SNCAIP: variants seen among roughly 807,000 people sequenced by gnomAD.
SNCAIP encodes synuclein alpha interacting protein, also known as synphilin-1.
A neutral mutation model predicts 86.7 loss-of-function variants in SNCAIP; 43 were observed. The observed-to-expected ratio is 0.50, with a 90% CI of 0.39 to 0.64. The LOEUF (loss-of-function observed/expected upper bound fraction) is 0.64, where lower values mean the gene tolerates loss of function less well. Among genes scored for constraint, SNCAIP ranks in the 30% least tolerant of loss-of-function variants. SNCAIP has a pLI of 0.00. For synonymous variants in SNCAIP, 417 were observed against 427.2 expected, an observed-to-expected ratio of 0.98 and a Z score of 0.29; for missense variants, 981 against 1,103.1, an observed-to-expected ratio of 0.89 and a Z score of 1.57.
intron 1 of SNCAIP, among the ~76,000 whole-genome samples, chr5:122,365,005 A>G (rs1329956860): frequency 6.6e-6 from 1 of 152,224 alleles, no homozygotes; most frequent in Non-Finnish European, 1.5e-5. Context: ...ACATTTGGGT[A>G]AGACTAGAGT....
At chr5:122,437,783 G>T (rs1212146403) in intron 6 of SNCAIP, among the ~76,000 whole-genome samples, 1 of 152,120 alleles carries the variant, frequency 6.6e-6, no homozygotes, top group Non-Finnish European at 1.5e-5. Context: ...CCCCCTCAGG[G>T]GCCCAGGTAA....
intron 1 of SNCAIP, among the ~76,000 whole-genome samples, chr5:122,368,573 A>C (rs1763643721): frequency 6.6e-6 from 1 of 152,160 alleles, no homozygotes; most frequent in Non-Finnish European, 1.5e-5. Context: ...AGTGAACCTA[A>C]TGATACCTTG....
chr5:122,353,802 C>T (rs1296112712), intron 1 of SNCAIP, among the ~76,000 whole-genome samples: 7 of 152,018 alleles, frequency 4.6e-5, no homozygotes, highest in Non-Finnish European at 8.8e-5. Flanking sequence ...TTCCCAGTCT[C>T]GGGTATGTCT....
chr5:122,451,768 G>A (rs985472883), intron 10 of SNCAIP, 167 bp downstream of exon 10: 5 of 608,788 alleles, frequency 8.2e-6, no homozygotes, highest in African/African-American at 1.9e-5. Context: ...GACATGTCAT[G>A]TTAGATACAT....
At chr5:122,378,095 G>A (rs1306829262) in intron 1 of SNCAIP, among the ~76,000 whole-genome samples, 1 of 147,546 alleles carries the variant, frequency 6.8e-6, no homozygotes, top group Non-Finnish European at 1.5e-5. Context: ...TCTAGTTCTA[G>A]ATCCCTGAGG....
Position 122,450,640 on chromosome 5 carries a change from T to C in SNCAIP, c.1793T>C (p.Leu598Pro), listed in dbSNP as rs780649088. Residue 598 changes from leucine to proline, a missense_variant, in exon 10 of 11, where the codon CTT (leucine) becomes CCT (proline). By Grantham distance (98) the Leu-to-Pro change is moderately conservative. Coordinates refer to ENST00000261368, the MANE Select transcript of SNCAIP (RefSeq NM_005460.4). ...KPGVQEGIQV[L>P]GSLSASSRAR... is the part of the protein sequence containing the mutation. ...GGAGTCCAAGAGGGGATTCAGGTTC[T>C]TGGAAGCCTGTCAGCCTCCAGCCGG... is the stretch of plus-strand genomic sequence containing the variant. 13 of 1,613,938 alleles carry C rather than the reference T, an allele frequency of 8.1e-6. No homozygotes were observed. In the South Asian group the frequency reaches 1.3e-4, roughly 16 times the overall value.
At chr5:122,426,226 T>A (rs758389275) in intron 5 of SNCAIP, among the ~76,000 whole-genome samples, 16 of 152,244 alleles carry the variant, frequency 1.1e-4, no homozygotes, top group Admixed American at 2.6e-4. Context: ...TAGAATCCAA[T>A]CATATTTATT....
chr5:122,313,526 T>C, intron 1 of SNCAIP, among the ~76,000 whole-genome samples: 1 of 152,278 alleles, frequency 6.6e-6, no homozygotes, highest in African/African-American at 2.4e-5. Flanking sequence ...TTTTCTTTTA[T>C]GGAGCAGACA....
In SNCAIP at chr5:122,358,329, G is replaced by C. The variant is rs55928972; in HGVS notation, c.-46-32760G>C. Among the ~76,000 whole-genome samples, 1,234 of 149,630 alleles carry C rather than the reference G, an allele frequency of 8.2e-3. 7 individuals carry two copies. Among genetic ancestry groups the C allele is most frequent in the Non-Finnish European group, 0.012 (809 of 67,350 alleles). The stretch of plus-strand genomic sequence containing the variant: ...CATTAACTCGTCATTTATATTAGGT[G>C]TATCTCCTAATGCTATCCCTCCCCC... On this transcript the variant is annotated intron_variant, in intron 1 of 10. Coordinates refer to ENST00000261368, the MANE Select transcript of SNCAIP (RefSeq NM_005460.4).
At chr5:122,440,582 T>C in intron 6 of SNCAIP, 47 bp from the exon 7 acceptor site, 1 of 1,588,588 alleles carries the variant, frequency 6.3e-7, no homozygotes, top group Middle Eastern at 1.7e-4. Flanking sequence ...TTTATCTAAC[T>C]TCTCTGCAAG....
chr5:122,462,239 TA>T (rs750478925), intron 10 of SNCAIP, among the ~76,000 whole-genome samples: 1 of 152,200 alleles, frequency 6.6e-6, no homozygotes, highest in Non-Finnish European at 1.5e-5. Context: ...TCCCTGACTG[TA>T]AGCTTGGGTT....
chr5:122,314,379 G>A (rs1751275621), intron 1 of SNCAIP, among the ~76,000 whole-genome samples: 1 of 152,102 alleles, frequency 6.6e-6, no homozygotes, highest in South Asian at 2.1e-4. Context: ...GAAACACAAG[G>A]GAATTTCTCT....
At chr5:122,336,731 A>G (rs1255327042) in intron 1 of SNCAIP, 2 of 152,232 alleles carry the variant, frequency 1.3e-5, no homozygotes, top group Admixed American at 6.5e-5. Flanking sequence ...CTCCCAAGCA[A>G]CTAGGACCCC....
chr5:122,440,480 T>C (rs941766642), intron 6 of SNCAIP, 149 bp from the exon 7 acceptor site: 7 of 741,940 alleles, frequency 9.4e-6, no homozygotes, highest in Non-Finnish European at 1.6e-5. Flanking sequence ...TCAAGGATTT[T>C]CAATTCACAT....
chr5:122,382,300 C>T (rs1174919694), intron 1 of SNCAIP, among the ~76,000 whole-genome samples: 1 of 152,116 alleles, frequency 6.6e-6, no homozygotes, highest in African/African-American at 2.4e-5. Context: ...TTTCATCTTC[C>T]ATTGCTGATA....
At chr5:122,321,997 A>G (rs1480095814) in intron 1 of SNCAIP, among the ~76,000 whole-genome samples, 1 of 152,214 alleles carries the variant, frequency 6.6e-6, no homozygotes, top group African/African-American at 2.4e-5. Context: ...CCAAACACAA[A>G]AACAAAAACT....
At position 122,358,222 on chromosome 5, in the gene SNCAIP, ATACTT is replaced by A. The variant is rs576823952; in HGVS notation, c.-46-32864_-46-32860del. On this transcript the variant is annotated intron_variant, in intron 1 of 10. Coordinates refer to ENST00000261368, the MANE Select transcript of SNCAIP (RefSeq NM_005460.4). ...GTGTGTGTATATATATATATATAAAATACTTTAAGTTCTAGGGTACATGTGCACAA... is the reference window on the plus strand; with the variant it reads ...GTGTGTGTATATATATATATATAAAATAAGTTCTAGGGTACATGTGCACAA... 3.8e-3 allele frequency among the ~76,000 whole-genome samples: 547 copies of A among 143,010 alleles called. 1 individual carries two copies. The highest frequency in any genetic ancestry group is 0.012 in the African/African-American group (478 of 39,912). 93.8% of individuals were successfully genotyped at this position (143,010 alleles called of 152,430 possible).
At chr5:122,393,607 C>T (rs975235134) in intron 2 of SNCAIP, among the ~76,000 whole-genome samples, 12 of 152,060 alleles carry the variant, frequency 7.9e-5, no homozygotes, top group Admixed American at 2.6e-4. Context: ...GTTGTCATAC[C>T]GGGGAGTTGC....
At chr5:122,316,934 G>T (rs1446545689) in intron 1 of SNCAIP, among the ~76,000 whole-genome samples, 1 of 152,160 alleles carries the variant, frequency 6.6e-6, no homozygotes, top group African/African-American at 2.4e-5. Flanking sequence ...GACCTTGGAT[G>T]GACCAGCTCA....
Sources: gnomAD v4.1 joint callset for allele counts (sites outside exome capture counted in the v4.1 genomes callset) on GRCh38, gnomAD v4.1.1 for gene constraint, MANE v1.5 for transcripts, NCBI Gene and HGNC (gene_info 2026-07-23, HGNC 2026-07-21) for gene names.